The following CHL1 variants were observed in gnomAD, a reference collection of about 807,000 sequenced individuals.
CHL1 encodes the protein neural cell adhesion molecule L1-like protein.
Under a neutral mutation model 141.9 loss-of-function variants are expected in CHL1, and 96 were observed. That is an observed-to-expected ratio of 0.68 (90% CI 0.57 to 0.80). The LOEUF is 0.80. Among genes scored for constraint, CHL1 ranks in the 30% least tolerant of loss-of-function variants. CHL1 has a pLI of 0.00. For missense variants in CHL1, 1,820 were observed against 1,457.2 expected, an observed-to-expected ratio of 1.25 and a Z score of -4.05; for synonymous variants, 613 against 502.2, an observed-to-expected ratio of 1.22 and a Z score of -2.95.
At chr3:330,844 A>T (rs1701380474) in intron 5 of CHL1, among the ~76,000 whole-genome samples, 1 of 152,208 alleles carries the variant, frequency 6.6e-6, no homozygotes, top group South Asian at 2.1e-4. Context: ...TCAGGAATTA[A>T]GCCATTATGG....
Position 399,103 on chromosome 3 carries a change from TTAAC to T in CHL1, c.3342_3345del (p.Thr1115PhefsTer4). 6.2e-7 allele frequency: 1 copy of T among 1,609,612 alleles called. No individual in the cohort carries two copies. The highest frequency in any genetic ancestry group is 8.5e-7 in the Non-Finnish European group (1 of 1,175,890). On this transcript the variant is annotated frameshift_variant, in exon 26 of 28. Transcript: ENST00000256509. LOFTEE classifies it high-confidence loss of function. ...GATTGCTCTTCTCACACTACTATTA[TTAAC>T]TGTTTGCTTTGTGAAGAGGAATAGA... is the stretch of plus-strand genomic sequence containing the variant.
At chr3:308,871 G>T in intron 2 of CHL1, 1 of 163,504 alleles carries the variant, frequency 6.1e-6, no homozygotes, top group South Asian at 1.9e-4. Context: ...TGCTGTTTGC[G>T]GCATTCATTT....
chr3:229,369 C>T (rs1342625919), intron 1 of CHL1, among the ~76,000 whole-genome samples: 5 of 152,132 alleles, frequency 3.3e-5, no homozygotes, highest in Non-Finnish European at 7.3e-5. Flanking sequence ...CCCATGCCCC[C>T]GTTGATAAGT....
chr3:301,528 T>C (rs1206777421), intron 2 of CHL1, among the ~76,000 whole-genome samples: 2 of 152,192 alleles, frequency 1.3e-5, no homozygotes, highest in Non-Finnish European at 2.9e-5. Context: ...CACTTAATGG[T>C]GGTGATTTTG....
At position 325,979 on chromosome 3, in the gene CHL1, A is replaced by G; in HGVS notation, c.112A>G (p.Ile38Val). ...PSSVQQVPTI[I>V]KQSKVQVAFP... ...TTTAGTTCAACAGGTTCCAACAATC[A>G]TAAAACAGTCAAAAGTCCAAGTTGC... Residue 38 changes from isoleucine (I) to valine (V), a missense_variant, in exon 4 of 28, where the codon ATA becomes GTA. Transcript: ENST00000256509. 6.2e-7 allele frequency: 1 copy of G among 1,610,814 alleles called. No homozygotes were observed. Among genetic ancestry groups the G allele is most frequent in the South Asian group, 1.1e-5 (1 of 90,884 alleles).
chr3:293,020 T>G (rs942135793), intron 2 of CHL1, among the ~76,000 whole-genome samples: 3 of 152,242 alleles, frequency 2.0e-5, no homozygotes, highest in African/African-American at 7.2e-5. Flanking sequence ...AGCCAACACA[T>G]GGGTTTACCC....
At chr3:347,723 G>C (rs1702884032) in intron 9 of CHL1, among the ~76,000 whole-genome samples, 1 of 152,172 alleles carries the variant, frequency 6.6e-6, no homozygotes, top group African/African-American at 2.4e-5. Flanking sequence ...AAAGCCAGCA[G>C]TTAGGAGACT....
At chr3:396,499 A>G (rs1468282286) in intron 24 of CHL1, among the ~76,000 whole-genome samples, 16 of 152,190 alleles carry the variant, frequency 1.1e-4, no homozygotes, top group Admixed American at 1.0e-3. Flanking sequence ...TCTAGTATAT[A>G]TGTTGCGAAA....
At position 212,357 on chromosome 3, in the gene CHL1, C is replaced by G. The variant is rs147485781; in HGVS notation, c.-175+15294C>G. ...TTAGCCATTTACCATTTCCTATACTCTATGTATGTCCTTTGTCTGCTTTTA... is the reference window on the plus strand; with the variant it reads ...TTAGCCATTTACCATTTCCTATACTGTATGTATGTCCTTTGTCTGCTTTTA... On this transcript the variant is annotated intron_variant, in intron 1 of 27. Coordinates refer to ENST00000256509, the MANE Select transcript of CHL1 (RefSeq NM_006614.4). 1.5e-3 allele frequency among the ~76,000 whole-genome samples: 232 copies of G among 152,236 alleles called. 1 individual carries two copies. The highest frequency in any genetic ancestry group is 0.012 in the East Asian group (63 of 5,188).
chr3:277,912 T>C (rs1286472525), intron 2 of CHL1, among the ~76,000 whole-genome samples: 1 of 152,260 alleles, frequency 6.6e-6, no homozygotes, highest in Non-Finnish European at 1.5e-5. Flanking sequence ...ACAGCTACAT[T>C]TCACAGATTT....
intron 2 of CHL1, among the ~76,000 whole-genome samples, chr3:272,799 C>G (rs1378924216): frequency 6.6e-6 from 1 of 152,194 alleles, no homozygotes; most frequent in Non-Finnish European, 1.5e-5. Context: ...TTCATTCAGT[C>G]TTTCATCCAT....
intron 1 of CHL1, among the ~76,000 whole-genome samples, chr3:211,268 C>T (rs75769213): frequency 6.6e-6 from 1 of 152,132 alleles, no homozygotes; most frequent in Non-Finnish European, 1.5e-5. Flanking sequence ...GATGATACAT[C>T]GGGCTGCAGA....
intron 10 of CHL1, among the ~76,000 whole-genome samples, chr3:352,227 C>A (rs1005131839): frequency 6.6e-6 from 1 of 151,848 alleles, no homozygotes; most frequent in Non-Finnish European, 1.5e-5. Context: ...TAAAATGTTG[C>A]GATTAAATCC....
chr3:372,848 T>G (rs1382676329), intron 15 of CHL1, among the ~76,000 whole-genome samples: 1 of 151,724 alleles, frequency 6.6e-6, no homozygotes, highest in Non-Finnish European at 1.5e-5. Flanking sequence ...CTTTCAATGG[T>G]CAGGTCTACC....
At chr3:247,843 C>T (rs181946475) in intron 2 of CHL1, 17 of 152,226 alleles carry the variant, frequency 1.1e-4, no homozygotes, top group Non-Finnish European at 1.5e-4. Context: ...GATGCTAGAA[C>T]ATTGTGCATA....
intron 5 of CHL1, among the ~76,000 whole-genome samples, chr3:329,871 T>C (rs1321335238): frequency 6.6e-6 from 1 of 152,084 alleles, no homozygotes; most frequent in East Asian, 1.9e-4. Context: ...TTACTAGACA[T>C]ATATAATGTT....
chr3:206,952 A>G (rs979452356), intron 1 of CHL1, among the ~76,000 whole-genome samples: 1 of 152,214 alleles, frequency 6.6e-6, no homozygotes, highest in African/African-American at 2.4e-5. Flanking sequence ...AGATTAAAAT[A>G]GAAATCGTTG....
intron 1 of CHL1, among the ~76,000 whole-genome samples, chr3:198,632 T>A (rs1221349117): frequency 6.6e-6 from 1 of 152,200 alleles, no homozygotes; most frequent in African/African-American, 2.4e-5. Context: ...ACACCATAGA[T>A]TTTTAAATTT....
intron 13 of CHL1, among the ~76,000 whole-genome samples, chr3:362,881 C>T (rs567803214): frequency 6.6e-6 from 1 of 152,228 alleles, no homozygotes; most frequent in African/African-American, 2.4e-5. Context: ...CCATTTAGTA[C>T]CCTGGAGCAA....
Sources: gnomAD v4.1 joint callset for allele counts (sites outside exome capture counted in the v4.1 genomes callset) on GRCh38, gnomAD v4.1.1 for gene constraint, MANE v1.5 for transcripts, NCBI Gene and HGNC (gene_info 2026-07-23, HGNC 2026-07-21) for gene names.